The following PDE6A variants were observed in gnomAD, a reference collection of about 807,000 sequenced individuals.
PDE6A encodes the protein rod cGMP-specific 3',5'-cyclic phosphodiesterase subunit alpha.
PDE6A carries 84 observed loss-of-function variants against 106.3 expected under a neutral mutation model. The observed-to-expected ratio is 0.79, with a 90% CI of 0.66 to 0.95. The LOEUF is 0.95. Ranked by LOEUF, PDE6A falls within the 40% of genes least tolerant of loss-of-function variation. The probability of loss-of-function intolerance (pLI) is 0.00; values close to 1 mark genes in which losing one functional copy is unlikely to be tolerated. For synonymous variants in PDE6A, 394 were observed against 386.6 expected (o/e 1.02, Z -0.23); for missense variants, 1,052 against 1,084.9 (o/e 0.97, Z 0.43).
intron 4 of PDE6A, among the ~76,000 whole-genome samples, chr5:149,928,886 G>A (rs937059620): frequency 7.9e-5 from 12 of 152,038 alleles, no homozygotes; most frequent in East Asian, 3.8e-4. Context: ...GCCAATAAAC[G>A]TATTTTAAAA....
In PDE6A at chr5:149,860,948, C is replaced by T. The variant is rs2113488512; in HGVS notation, c.2530G>A (p.Gly844Arg). The change falls in exon 22 of 22, where the codon GGA (glycine) becomes AGA (arginine). Residue 844 changes from glycine to arginine, a missense_variant. Coordinates refer to ENST00000255266, the MANE Select transcript of PDE6A (RefSeq NM_000440.3). ...KSAAAGNQPG[G>R]NPSPGGATTS... ...GTTGCACCCCCTGGGCTGGGGTTTC[C>T]CCCCGGCTGATTTCCTGCGGCTGCT... 1 of 1,614,096 alleles carries T rather than the reference C, an allele frequency of 6.2e-7. No homozygotes were observed. Among genetic ancestry groups the T allele is most frequent in the Non-Finnish European group, 8.5e-7 (1 of 1,179,996 alleles).
At chr5:149,922,296 AATTATT>A (rs142378973) in intron 4 of PDE6A, among the ~76,000 whole-genome samples, 6 of 148,896 alleles carry the variant, frequency 4.0e-5, no homozygotes, top group Admixed American at 6.7e-5. Flanking sequence ...ATTTACAACA[AATTATT>A]ATTATTATTA....
chr5:149,906,519 CA>C (rs560905491), intron 7 of PDE6A, among the ~76,000 whole-genome samples: 12,138 of 54,190 alleles, frequency 0.22, 1,800 homozygotes, highest in Admixed American at 0.37. Context: ...GAGACACTGT[CA>C]AAAAAAAAAA....
At chr5:149,937,776 T>C (rs1212697554) in intron 1 of PDE6A, among the ~76,000 whole-genome samples, 1 of 152,208 alleles carries the variant, frequency 6.6e-6, no homozygotes, top group Admixed American at 6.5e-5. Context: ...TTGCATCTCA[T>C]GATGAGATCT....
At chr5:149,928,229 A>T (rs868553665) in intron 4 of PDE6A, among the ~76,000 whole-genome samples, 41 of 25,444 alleles carry the variant, frequency 1.6e-3, no homozygotes, top group South Asian at 2.5e-3. Context: ...ATATATATAT[A>T]TATTTTTTTT....
intron 1 of PDE6A, 139 bp from the exon 2 acceptor site, chr5:149,934,857 A>ATT: frequency 1.2e-6 from 1 of 819,884 alleles, no homozygotes; most frequent in South Asian, 1.4e-5. Flanking sequence ...CAGAGATGAC[A>ATT]TCTGTCATGG....
chr5:149,919,264 TG>T (rs1385792205), intron 5 of PDE6A, among the ~76,000 whole-genome samples: 1 of 152,118 alleles, frequency 6.6e-6, no homozygotes, highest in Non-Finnish European at 1.5e-5. Context: ...CCTAGCACTT[TG>T]GGAGGCGGAG....
chr5:149,920,306 C>T (rs1367557229), intron 5 of PDE6A, among the ~76,000 whole-genome samples: 2 of 151,964 alleles, frequency 1.3e-5, no homozygotes, highest in East Asian at 1.9e-4. Flanking sequence ...GGGGGCCGGG[C>T]GCAGTGGCTC....
chr5:149,877,878 C>T (rs2113534635), intron 17 of PDE6A, among the ~76,000 whole-genome samples: 1 of 152,292 alleles, frequency 6.6e-6, no homozygotes, highest in East Asian at 1.9e-4. Flanking sequence ...GCCGACTCTT[C>T]ACATCCAAGG....
At chr5:149,926,979 CAA>C (rs539891462) in intron 4 of PDE6A, among the ~76,000 whole-genome samples, 15 of 70,428 alleles carry the variant, frequency 2.1e-4, no homozygotes, top group Admixed American at 3.1e-4. Context: ...ACTCCGTCTC[CAA>C]AAAAAAAAAA....
At chr5:149,916,336 G>A (rs1386814382) in intron 5 of PDE6A, among the ~76,000 whole-genome samples, 1 of 152,138 alleles carries the variant, frequency 6.6e-6, no homozygotes, top group East Asian at 1.9e-4. Context: ...CCAGAATCTA[G>A]GGAGATGGGG....
At chr5:149,901,117 T>G (rs796943068) in intron 8 of PDE6A, among the ~76,000 whole-genome samples, 2 of 152,204 alleles carry the variant, frequency 1.3e-5, no homozygotes, top group African/African-American at 4.8e-5. Flanking sequence ...AGTTTCACCA[T>G]GTTGACCAGG....
chr5:149,916,919 C>T (rs571204837), intron 5 of PDE6A, among the ~76,000 whole-genome samples: 2 of 152,222 alleles, frequency 1.3e-5, no homozygotes, highest in African/African-American at 2.4e-5. Context: ...ATCCCTGGGC[C>T]GGTGCCTGTC....
chr5:149,884,874 GAGAA>G lies in PDE6A; in HGVS notation c.1839-11_1839-8del, dbSNP rs765557769. On this transcript the variant is annotated splice_region_variant and splice_polypyrimidine_tract_variant and intron_variant, in intron 14 of 21. Transcript: ENST00000255266. ...GGCCAGTGGGTTCTGGGATCTGAAT[GAGAA>G]AGAGAGAGAATCAATATGGAGTGGA... is the stretch of plus-strand genomic sequence containing the variant. 3 of 1,600,270 alleles carry G rather than the reference GAGAA, an allele frequency of 1.9e-6. No homozygotes were observed. The highest frequency in any genetic ancestry group is 2.2e-5 in the South Asian group (2 of 90,814).
In PDE6A at chr5:149,900,218, C is replaced by T. The variant is rs188424194; in HGVS notation, c.1114-694G>A. Among the ~76,000 whole-genome samples the T allele has an allele frequency of 4.1e-3, 619 of 151,328 alleles. 4 individuals carry two copies. The highest frequency in any genetic ancestry group is 6.1e-3 in the Admixed American group (92 of 15,134). On this transcript the variant is annotated intron_variant, in intron 8 of 21. Coordinates refer to ENST00000255266, the MANE Select transcript of PDE6A (RefSeq NM_000440.3). Reference sequence around the variant, plus strand: ...AAAATACAAAAATTAGCCAATTAGCCGGATGTGGCGGCATGCTCCTGTAAT... The same window carrying T: ...AAAATACAAAAATTAGCCAATTAGCTGGATGTGGCGGCATGCTCCTGTAAT...
At chr5:149,892,126 T>A (rs1581173401) in intron 13 of PDE6A, among the ~76,000 whole-genome samples, 1 of 152,104 alleles carries the variant, frequency 6.6e-6, no homozygotes, top group African/African-American at 2.4e-5. Context: ...CATGGCAACA[T>A]AGTGAGACCC....
At chr5:149,944,167 C>T (rs1197825349) in intron 1 of PDE6A, 33 bp downstream of exon 1, 9 of 1,558,172 alleles carry the variant, frequency 5.8e-6, no homozygotes, top group Middle Eastern at 1.7e-4. Context: ...GTAATAATGC[C>T]CCATGCCCTC....
At chr5:149,868,261 C>G (rs1200610845) in intron 17 of PDE6A, 103 bp from the exon 18 acceptor site, 1 of 1,170,832 alleles carries the variant, frequency 8.5e-7, no homozygotes, top group East Asian at 2.4e-5. Flanking sequence ...TAGTAGGTGA[C>G]TTTGTCTCAT....
At position 149,944,724 on chromosome 5, in the gene PDE6A, C is replaced by T. The variant is rs1754420440; in HGVS notation, c.-51G>A. ...GTAGAAGGACTGGGACGGAGGCCTTCCAATGGCAGTTTTGCAGTCTGCAAC... is the reference window on the plus strand; with the variant it reads ...GTAGAAGGACTGGGACGGAGGCCTTTCAATGGCAGTTTTGCAGTCTGCAAC... On this transcript the variant is annotated 5_prime_UTR_variant, in exon 1 of 22. Coordinates refer to ENST00000255266, the MANE Select transcript of PDE6A (RefSeq NM_000440.3). 2.0e-6 allele frequency: 3 copies of T among 1,469,570 alleles called. No homozygotes were observed. Among genetic ancestry groups the T allele is most frequent in the Middle Eastern group, 2.3e-4 (1 of 4,382 alleles). The allele number at this position is 1,469,570 out of a possible 1,614,324, so 91.0% of individuals were successfully genotyped here.
Sources: allele counts gnomAD v4.1 joint callset (sites outside exome capture counted in the v4.1 genomes callset), GRCh38; gene constraint gnomAD v4.1.1; transcripts MANE v1.5; gene names NCBI Gene and HGNC (gene_info 2026-07-23, HGNC 2026-07-21).